The following DYM variants were observed in gnomAD, a reference collection of about 807,000 sequenced individuals.
DYM encodes dyggve-Melchior-Clausen syndrome protein.
A neutral mutation model predicts 93.1 loss-of-function variants in DYM; 78 were observed. The observed-to-expected ratio is 0.84, with a 90% CI of 0.70 to 1.01. The LOEUF is 1.01. Ranked by LOEUF, DYM falls within the 50% of genes least tolerant of loss-of-function variation. The pLI is 0.00. For missense variants in DYM, 789 were observed against 845.0 expected (o/e 0.93, Z 0.82); for synonymous variants, 321 against 319.7 (o/e 1.00, Z -0.04).
At chr18:49,325,191 G>A (rs1317630854) in intron 8 of DYM, among the ~76,000 whole-genome samples, 1 of 152,194 alleles carries the variant, frequency 6.6e-6, no homozygotes, top group Non-Finnish European at 1.5e-5. Flanking sequence ...CTGTGGGTAA[G>A]TCCTAAAACA....
rs2071023214 is a variant in DYM at position 49,042,725 on chromosome 18, A to G, written c.*1330T>C. ...CTTTGAGAATGAAACTAGGCTCCTT[A>G]TCTAGACTGTGAAGGGGCCCGTGAG... is the stretch of plus-strand genomic sequence containing the variant. On this transcript the variant is annotated 3_prime_UTR_variant, in exon 18 of 18. Coordinates refer to ENST00000675505, the MANE Select transcript of DYM (RefSeq NM_001353214.3). 1 of 152,238 alleles carries G rather than the reference A, an allele frequency of 6.6e-6. No individual in the cohort carries two copies. The highest frequency in any genetic ancestry group is 1.5e-5 in the Non-Finnish European group (1 of 68,042). 9.4% of individuals were successfully genotyped at this position (152,238 alleles called of 1,614,324 possible).
At chr18:49,081,491 G>A (rs1238507034) in intron 17 of DYM, among the ~76,000 whole-genome samples, 1 of 144,834 alleles carries the variant, frequency 6.9e-6, no homozygotes, top group Non-Finnish European at 1.5e-5. Flanking sequence ...GAGGGAGACC[G>A]TGGAAAGAGA....
chr18:49,430,451 T>TA lies in DYM; in HGVS notation c.-53-5dup, dbSNP rs564874222. ...ACCTGCATTTCCAAAAGACAACCTA[T>TA]AAAAAATAAAAATAAAAACTTTAAA... On this transcript the variant is annotated splice_region_variant and splice_polypyrimidine_tract_variant and intron_variant, in intron 1 of 17. Transcript: ENST00000675505. 633 of 1,601,448 alleles carry TA rather than the reference T, an allele frequency of 4.0e-4. 5 individuals are homozygous for TA. Among genetic ancestry groups the TA allele is most frequent in the Admixed American group, 9.1e-4 (54 of 59,582 alleles).
At chr18:49,081,000 G>C (rs1306410027) in intron 17 of DYM, among the ~76,000 whole-genome samples, 2 of 151,218 alleles carry the variant, frequency 1.3e-5, no homozygotes, top group Non-Finnish European at 2.9e-5. Flanking sequence ...GCCGGGCAGA[G>C]ACGCTCCTCA....
chr18:49,127,060 C>T (rs1161356590), intron 15 of DYM, among the ~76,000 whole-genome samples: 1 of 152,212 alleles, frequency 6.6e-6, no homozygotes, highest in Admixed American at 6.5e-5. Flanking sequence ...GTAGAATCTG[C>T]TGGCTCCTCA....
At chr18:49,362,760 C>G (rs1376406787) in intron 6 of DYM, among the ~76,000 whole-genome samples, 1 of 152,136 alleles carries the variant, frequency 6.6e-6, no homozygotes, top group African/African-American at 2.4e-5. Flanking sequence ...AAACGAAAAC[C>G]TGGCTTCAAA....
At chr18:49,351,280 G>A (rs2065100164) in intron 6 of DYM, among the ~76,000 whole-genome samples, 1 of 151,916 alleles carries the variant, frequency 6.6e-6, no homozygotes, top group Admixed American at 6.6e-5. Context: ...AAATTAGCCG[G>A]AAATCGCTTG....
At chr18:49,372,400 T>C (rs1022880526) in intron 5 of DYM, among the ~76,000 whole-genome samples, 1 of 152,188 alleles carries the variant, frequency 6.6e-6, no homozygotes, top group East Asian at 1.9e-4. Context: ...AAGATATTCA[T>C]TGGACTTAAG....
intron 8 of DYM, among the ~76,000 whole-genome samples, chr18:49,324,231 T>C (rs1599427268): frequency 6.7e-6 from 1 of 150,130 alleles, no homozygotes; most frequent in African/African-American, 2.4e-5. Context: ...TTAACTGCCG[T>C]ACTGACTATA....
chr18:49,072,979 G>A (rs1345760327), intron 17 of DYM, among the ~76,000 whole-genome samples: 2 of 152,198 alleles, frequency 1.3e-5, no homozygotes, highest in Non-Finnish European at 2.9e-5. Context: ...TCATTTAAAT[G>A]TAACTCCCCT....
rs59640889 is a variant in DYM, at chr18:49,324,138, CAAAAAAAAAAA to C, written c.763+7715_763+7725del. 1.0e-3 allele frequency among the ~76,000 whole-genome samples: 57 copies of C among 54,438 alleles called. 1 individual carries two copies. Among genetic ancestry groups the C allele is most frequent in the Non-Finnish European group, 1.4e-3 (44 of 31,180 alleles). 35.7% of individuals were successfully genotyped at this position (54,438 alleles called of 152,430 possible). On this transcript the variant is annotated intron_variant, in intron 8 of 17. Transcript: ENST00000675505. ...TGACAGAGCCAGATAGGCTCTGTCT[CAAAAAAAAAAA>C]AAAAAAAAAAAAAAAAAAAATCTTT... is the stretch of plus-strand genomic sequence containing the variant.
chr18:49,448,153 C>T (rs1330106021), intron 1 of DYM, among the ~76,000 whole-genome samples: 1 of 152,170 alleles, frequency 6.6e-6, no homozygotes, highest in Non-Finnish European at 1.5e-5. Context: ...GAAAACTCTG[C>T]CTTCAACAAT....
intron 7 of DYM, among the ~76,000 whole-genome samples, chr18:49,332,441 G>A (rs1199989269): frequency 2.6e-5 from 4 of 152,034 alleles, no homozygotes; most frequent in South Asian, 2.1e-4. Context: ...ATCTACATTC[G>A]GTATAACACT....
intron 8 of DYM, among the ~76,000 whole-genome samples, chr18:49,311,919 T>C (rs934420504): frequency 1.3e-5 from 2 of 151,612 alleles, no homozygotes; most frequent in Admixed American, 1.3e-4. Flanking sequence ...TGATGAAGTT[T>C]AAGGTTATGA....
chr18:49,107,527 C>G (rs2080960362), intron 16 of DYM, among the ~76,000 whole-genome samples: 1 of 152,264 alleles, frequency 6.6e-6, no homozygotes, highest in Middle Eastern at 3.4e-3. Context: ...TTTTCCCCAT[C>G]TTTGTGATTT....
chr18:49,332,710 T>C (rs1398336771), intron 7 of DYM, among the ~76,000 whole-genome samples: 1 of 152,136 alleles, frequency 6.6e-6, no homozygotes, highest in African/African-American at 2.4e-5. Context: ...GTAAAGAACA[T>C]ATTACGGTTT....
chr18:49,321,893 G>A (rs997772175), intron 8 of DYM, among the ~76,000 whole-genome samples: 9 of 151,974 alleles, frequency 5.9e-5, no homozygotes, highest in African/African-American at 2.2e-4. Context: ...TTAGAAATCT[G>A]TTATTTTCAC....
intron 13 of DYM, among the ~76,000 whole-genome samples, chr18:49,226,908 G>C (rs910679598): frequency 3.3e-5 from 5 of 152,034 alleles, no homozygotes; most frequent in Non-Finnish European, 5.9e-5. Context: ...AATTCAGCCT[G>C]AAAATATTAC....
chr18:49,433,305 A>G (rs959950196), intron 1 of DYM, among the ~76,000 whole-genome samples: 1 of 152,250 alleles, frequency 6.6e-6, no homozygotes, highest in Non-Finnish European at 1.5e-5. Flanking sequence ...AATTTCGTAT[A>G]GACTACAAAC....
Sources: allele counts gnomAD v4.1 joint callset (sites outside exome capture counted in the v4.1 genomes callset), GRCh38; gene constraint gnomAD v4.1.1; transcripts MANE v1.5; gene names NCBI Gene and HGNC (gene_info 2026-07-23, HGNC 2026-07-21).